Variants in ST3GAL1 observed in about 807,000 individuals in gnomAD.
ST3GAL1 encodes the protein ST3 beta-galactoside alpha-2,3-sialyltransferase 1.
Under a neutral mutation model 34.1 loss-of-function variants are expected in ST3GAL1, and 16 were observed. The observed-to-expected ratio is 0.47, with a 90% CI of 0.32 to 0.71. The LOEUF is 0.71. Among genes scored for constraint, ST3GAL1 ranks in the 30% least tolerant of loss-of-function variants. ST3GAL1 has a pLI of 0.04. For synonymous variants in ST3GAL1, 191 were observed against 184.7 expected, an observed-to-expected ratio of 1.03 and a Z score of -0.28; for missense variants, 353 against 447.4, an observed-to-expected ratio of 0.79 and a Z score of 1.90.
intron 2 of ST3GAL1, among the ~76,000 whole-genome samples, chr8:133,521,594 G>A (rs999888852): frequency 6.6e-6 from 1 of 152,124 alleles, no homozygotes; most frequent in Non-Finnish European, 1.5e-5. Context: ...ACCGCCCCCA[G>A]GCCTATCATG....
intron 3 of ST3GAL1, among the ~76,000 whole-genome samples, chr8:133,477,531 T>C (rs1258164950): frequency 1.3e-5 from 2 of 151,220 alleles, no homozygotes; most frequent in African/African-American, 2.4e-5. Flanking sequence ...TCGGGAGGGG[T>C]TGGGGGACCA....
rs1478655734 is a variant in ST3GAL1 at position 133,556,565 on chromosome 8, G to C, written c.-581-10639C>G. ...CCTGTTTGTCTTCTAAGCAACCTCA[G>C]CTAATGAAGGCTGCATAACTATGTA... On this transcript the variant is annotated intron_variant, in intron 1 of 9. Coordinates refer to ENST00000522652, the MANE Select transcript of ST3GAL1 (RefSeq NM_173344.3). This position sits in a 1 kb window ranked among gnomAD's most constrained non-coding sequence, Gnocchi z 8.9. 1.3e-5 allele frequency among the ~76,000 whole-genome samples: 2 copies of C among 152,176 alleles called. No individual in the cohort carries two copies. The highest frequency in any genetic ancestry group is 2.9e-5 in the Non-Finnish European group (2 of 68,044).
intron 2 of ST3GAL1, among the ~76,000 whole-genome samples, chr8:133,544,310 A>G (rs144539681): frequency 1.3e-3 from 192 of 152,326 alleles, no homozygotes; most frequent in African/African-American, 4.5e-3. Context: ...GTCTTGTCCC[A>G]TAAGATGGTG....
At chr8:133,569,371 C>T (rs1371177948) in intron 1 of ST3GAL1, among the ~76,000 whole-genome samples, 4 of 152,234 alleles carry the variant, frequency 2.6e-5, no homozygotes, top group Non-Finnish European at 5.9e-5. Flanking sequence ...TACACATACA[C>T]ACATGTAGAG....
intron 5 of ST3GAL1, among the ~76,000 whole-genome samples, chr8:133,472,265 T>C (rs1226699117): frequency 2.6e-5 from 4 of 152,132 alleles, no homozygotes; most frequent in Non-Finnish European, 5.9e-5. Flanking sequence ...CGAGCTGGAA[T>C]TGTGATGCCC....
At chr8:133,563,578 A>G (rs745344651) in intron 1 of ST3GAL1, among the ~76,000 whole-genome samples, 7 of 151,776 alleles carry the variant, frequency 4.6e-5, no homozygotes, top group Admixed American at 2.0e-4. Flanking sequence ...AGATGTGGCA[A>G]CCGTGGCATG....
rs1815429129 is a variant in ST3GAL1, at chr8:133,459,827, A to G, written c.960T>C (p.Phe320=). ...CCAAGGTGGCCGTCACGTTAGACTC[A>G]AAGTCTGCATCGTGCACCCCCGTCT... The part of the protein sequence containing the change: ...FRKTGVHDAD[F]ESNVTATLAS... Residue 320 remains phenylalanine, a synonymous_variant, in exon 10 of 10, where the codon TTT becomes TTC. Coordinates refer to ENST00000522652, the MANE Select transcript of ST3GAL1 (RefSeq NM_173344.3). This position sits in a 1 kb window ranked among gnomAD's most constrained non-coding sequence, Gnocchi z 4.7. 2.5e-6 allele frequency: 4 copies of G among 1,613,942 alleles called. No individual in the cohort carries two copies. The highest frequency in any genetic ancestry group is 1.7e-5 in the Admixed American group (1 of 59,990).
chr8:133,524,781 C>A (rs1187868924), intron 2 of ST3GAL1, among the ~76,000 whole-genome samples: 3 of 152,236 alleles, frequency 2.0e-5, no homozygotes, highest in African/African-American at 7.2e-5. Flanking sequence ...ATTTCTGGAC[C>A]CATGTCTGGA....
intron 7 of ST3GAL1, among the ~76,000 whole-genome samples, chr8:133,464,318 C>A (rs1295675478): frequency 6.6e-6 from 1 of 152,206 alleles, no homozygotes; most frequent in South Asian, 2.1e-4. Context: ...GCCACAGCCG[C>A]GTTGCTCAGC....
At chr8:133,517,904 C>T (rs984072763) in intron 2 of ST3GAL1, among the ~76,000 whole-genome samples, 1 of 152,178 alleles carries the variant, frequency 6.6e-6, no homozygotes, top group African/African-American at 2.4e-5. Flanking sequence ...TGGGGAAGAT[C>T]CAGGAACCCT....
chr8:133,470,236 A>G (rs1205061198), intron 5 of ST3GAL1, among the ~76,000 whole-genome samples: 1 of 152,170 alleles, frequency 6.6e-6, no homozygotes, highest in Non-Finnish European at 1.5e-5. Flanking sequence ...CCTGACCAAC[A>G]TGGAGAAACC....
intron 2 of ST3GAL1, among the ~76,000 whole-genome samples, chr8:133,541,567 C>T (rs1459174076): frequency 2.0e-5 from 3 of 152,172 alleles, no homozygotes; most frequent in African/African-American, 7.2e-5. Context: ...AGACCATATA[C>T]ACGGTCCACA....
chr8:133,559,480 T>C (rs1268776507), intron 1 of ST3GAL1, among the ~76,000 whole-genome samples: 1 of 152,228 alleles, frequency 6.6e-6, no homozygotes, highest in East Asian at 1.9e-4. Flanking sequence ...TTCATTTTAA[T>C]TTCCTTTTTT....
chr8:133,566,552 C>T (rs1275384908), intron 1 of ST3GAL1, among the ~76,000 whole-genome samples: 2 of 152,104 alleles, frequency 1.3e-5, no homozygotes, highest in Non-Finnish European at 2.9e-5. Flanking sequence ...GGGGTGATCA[C>T]CCACATGCAC....
intron 2 of ST3GAL1, among the ~76,000 whole-genome samples, chr8:133,501,766 C>CA (rs772050313): frequency 7.6e-6 from 1 of 131,140 alleles, no homozygotes; most frequent in Non-Finnish European, 1.7e-5. Context: ...AACAAACAAA[C>CA]AACAACAACA....
chr8:133,466,242 A>G lies in ST3GAL1; in HGVS notation c.307-152T>C, dbSNP rs1815730630. The G allele has an allele frequency of 1.5e-6, 1 of 685,844 alleles. No homozygotes were observed. Among genetic ancestry groups the G allele is most frequent in the Non-Finnish European group, 2.4e-6 (1 of 410,530 alleles). The allele number at this position is 685,844 out of a possible 1,614,324, so 42.5% of individuals were successfully genotyped here. ...CCGGAGATGGAGGCGGCTCACACAC[A>G]GACACCTCCACTTCCTCCTTCAAGG... On this transcript the variant is annotated intron_variant, in intron 5 of 9. Transcript: ENST00000522652. The surrounding 1 kb of genome is among the most constrained non-coding windows in gnomAD (Gnocchi z 4.4).
In ST3GAL1 at chr8:133,466,063, T is replaced by C; in HGVS notation, c.334A>G (p.Asn112Asp). Residue 112 changes from asparagine (N) to aspartate (D), a missense_variant, in exon 6 of 10, where the codon AAC becomes GAC. Physicochemically the swap from Asn to Asp is conservative, Grantham distance 23. Transcript: ENST00000522652. The surrounding 1 kb of genome is among the most constrained non-coding windows in gnomAD (Gnocchi z 4.4). Reference sequence around the variant, plus strand: ...AGCTCCTTGATGGTGTCATTCAAGTTATTGGGCTTCTTCTCCCGCTGGAGC... The same window carrying C: ...AGCTCCTTGATGGTGTCATTCAAGTCATTGGGCTTCTTCTCCCGCTGGAGC... ...LRLQREKKPN[N>D]LNDTIKELFR... 4 of 1,613,442 alleles carry C rather than the reference T, an allele frequency of 2.5e-6. No individual in the cohort carries two copies. The highest frequency in any genetic ancestry group is 3.4e-6 in the Non-Finnish European group (4 of 1,179,508).
At chr8:133,489,154 GCACCACACTTGCTGTTTCCTA>G in intron 3 of ST3GAL1, among the ~76,000 whole-genome samples, 1 of 152,244 alleles carries the variant, frequency 6.6e-6, no homozygotes, top group East Asian at 1.9e-4. Context: ...CCCAGGGACT[GCACCACACTTGCTGTTTCCTA>G]CACCACACTA....
At chr8:133,522,582 C>A (rs1025515049) in intron 2 of ST3GAL1, among the ~76,000 whole-genome samples, 13 of 152,152 alleles carry the variant, frequency 8.5e-5, no homozygotes, top group African/African-American at 2.9e-4. Context: ...CCCTGTACCC[C>A]AGCTGGTCCA....
Sources: gnomAD v4.1 joint callset for allele counts (sites outside exome capture counted in the v4.1 genomes callset) on GRCh38, gnomAD v4.1.1 for gene constraint, Gnocchi (gnomAD v3.1) non-coding constraint, MANE v1.5 for transcripts, NCBI Gene and HGNC (gene_info 2026-07-23, HGNC 2026-07-21) for gene names.